ASDURF: variants seen among roughly 807,000 people sequenced by gnomAD.
ASDURF encodes the protein ASDURF protein.
Under a neutral mutation model 3.3 loss-of-function variants are expected in ASDURF, and 3 were observed. The ratio of observed to expected loss-of-function variants is 0.92; its 90% CI spans 0.42 to 2.37. ASDURF has a LOEUF of 2.37. Among genes scored for constraint, ASDURF ranks in the 30% most tolerant of loss-of-function variants. The pLI is 0.05. For missense variants in ASDURF, 23 were observed against 25.4 expected (o/e 0.90, Z 0.21); for synonymous variants, 11 against 8.3 (o/e 1.32, Z -0.55).
rs1424308286 is a variant in ASDURF, at chr2:189,664,527, A to G, written c.144+573A>G. On this transcript the variant is annotated intron_variant, in intron 2 of 3. Coordinates refer to ENST00000607829, the MANE Select transcript of ASDURF (RefSeq NM_001353493.2). ...AGTTTGAGCTCTTAAAAGCTTTGTA[A>G]AGATTATGTAATAACTGGCTGGTTA... Among the ~76,000 whole-genome samples the G allele has an allele frequency of 2.0e-5, 3 of 152,238 alleles. No homozygotes were observed. In the East Asian group the frequency reaches 5.8e-4, roughly 29 times the overall value.
chr2:189,662,165 C>T (rs1236875035), intron 1 of ASDURF, among the ~76,000 whole-genome samples: 1 of 152,214 alleles, frequency 6.6e-6, no homozygotes, highest in Non-Finnish European at 1.5e-5. Flanking sequence ...CTCCGTTAAC[C>T]AGAGCAATGG....
intron 1 of ASDURF, among the ~76,000 whole-genome samples, 152 bp downstream of exon 1, chr2:189,661,762 C>T (rs1365695787): frequency 1.3e-5 from 2 of 152,232 alleles, no homozygotes; most frequent in Admixed American, 6.5e-5. Context: ...TTGACAGCCA[C>T]AGTTAGTCCT....
intron 2 of ASDURF, among the ~76,000 whole-genome samples, chr2:189,664,833 A>C (rs199692393): frequency 2.0e-5 from 3 of 151,946 alleles, no homozygotes; most frequent in South Asian, 4.1e-4. Context: ...ATTCAAAACT[A>C]TAACACTTTG....
intron 2 of ASDURF, among the ~76,000 whole-genome samples, chr2:189,664,226 A>C (rs2032735780): frequency 6.6e-6 from 1 of 152,174 alleles, no homozygotes; most frequent in South Asian, 2.1e-4. Flanking sequence ...TATAATCACT[A>C]ATGATGTTTT....
Position 189,666,384 on chromosome 2 carries a change from G to T in ASDURF, c.*273G>T. On this transcript the variant is annotated 3_prime_UTR_variant, in exon 4 of 4. Coordinates refer to ENST00000607829, the MANE Select transcript of ASDURF (RefSeq NM_001353493.2). ...ATGGAGAAATTTTTAGTGGAATAAA[G>T]GTTGAAGCTGAAGAGAATGACACTC... The T allele has an allele frequency of 1.2e-6, 2 of 1,613,974 alleles. No individual in the cohort carries two copies. Among genetic ancestry groups the T allele is most frequent in the South Asian group, 2.2e-5 (2 of 91,054 alleles).
chr2:189,666,027 C>A lies in ASDURF; in HGVS notation c.221-14C>A. ...TTTATGTTATTTAATATTTATTCTC[C>A]TTCCCTGCAACAGATATATTGGATG... is the stretch of plus-strand genomic sequence containing the variant. On this transcript the variant is annotated splice_polypyrimidine_tract_variant and intron_variant, in intron 3 of 3. Transcript: ENST00000607829. 8.1e-7 allele frequency: 1 copy of A among 1,234,172 alleles called. No homozygotes were observed. Among genetic ancestry groups the A allele is most frequent in the Non-Finnish European group, 1.1e-6 (1 of 906,058 alleles). The allele number at this position is 1,234,172 out of a possible 1,614,324, so 76.5% of individuals were successfully genotyped here.
chr2:189,661,771 C>T (rs2032670324), intron 1 of ASDURF, among the ~76,000 whole-genome samples, 161 bp downstream of exon 1: 9 of 152,214 alleles, frequency 5.9e-5, no homozygotes, highest in Admixed American at 5.9e-4. Flanking sequence ...ACAGTTAGTC[C>T]TTTTATTTTC....
intron 1 of ASDURF, among the ~76,000 whole-genome samples, chr2:189,663,008 G>C (rs144761781): frequency 2.7e-5 from 4 of 148,828 alleles, no homozygotes; most frequent in African/African-American, 9.9e-5. Flanking sequence ...TAGTCATTGA[G>C]ATAAAAAGAG....
chr2:189,663,542 C>T (rs964626832), intron 1 of ASDURF, among the ~76,000 whole-genome samples: 21 of 152,288 alleles, frequency 1.4e-4, no homozygotes, highest in Non-Finnish European at 2.9e-4. Context: ...CATGAGCCAC[C>T]GCACCCGGCC....
chr2:189,663,339 C>T (rs934083596), intron 1 of ASDURF, among the ~76,000 whole-genome samples: 9 of 152,046 alleles, frequency 5.9e-5, no homozygotes, highest in Non-Finnish European at 8.8e-5. Context: ...CTGCAGCCTC[C>T]GCCTCCCGGG....
intron 2 of ASDURF, 152 bp from the exon 3 acceptor site, chr2:189,665,224 G>A (rs1359133411): frequency 2.2e-5 from 8 of 368,982 alleles, no homozygotes; most frequent in Admixed American, 1.4e-4. Context: ...TAGTTGGGCA[G>A]TGGGTGACTT....
chr2:189,663,604 G>A (rs2032722973), intron 1 of ASDURF, among the ~76,000 whole-genome samples: 1 of 152,224 alleles, frequency 6.6e-6, no homozygotes, highest in Non-Finnish European at 1.5e-5. Flanking sequence ...TTTAGTAACT[G>A]TAGTCCTTGG....
chr2:189,662,043 C>T (rs1245559912), intron 1 of ASDURF, among the ~76,000 whole-genome samples: 1 of 152,160 alleles, frequency 6.6e-6, no homozygotes, highest in South Asian at 2.1e-4. Flanking sequence ...CCTTTATCAC[C>T]GTGAACACTC....
At position 189,665,312 on chromosome 2, in the gene ASDURF, T is replaced by G. The variant is rs181567607; in HGVS notation, c.145-64T>G. 3.5e-3 allele frequency: 1,369 copies of G among 387,358 alleles called. 33 individuals are homozygous for G. The highest frequency in any genetic ancestry group is 4.1e-4 in the Non-Finnish European group (89 of 218,694). 24.0% of individuals were successfully genotyped at this position (387,358 alleles called of 1,614,324 possible). A position where few individuals can be genotyped will look rare whatever the true frequency, so the allele number is the denominator to read the frequency against. On this transcript the variant is annotated intron_variant, in intron 2 of 3. Transcript: ENST00000607829. ...TTTCAAGAATTAGTGATAATAGGGT[T>G]TAAGGATTTTAATATCTACTTTTTA... is the stretch of plus-strand genomic sequence containing the variant.
chr2:189,661,660 A>T (rs1008529313), intron 1 of ASDURF, 50 bp downstream of exon 1: 34 of 399,144 alleles, frequency 8.5e-5, no homozygotes, highest in Non-Finnish European at 1.5e-4. Flanking sequence ...ACCGGGCGCC[A>T]CTGGACCCTG....
intron 3 of ASDURF, among the ~76,000 whole-genome samples, 181 bp downstream of exon 3, chr2:189,665,632 A>ATG (rs1232367448): frequency 2.2e-5 from 2 of 89,998 alleles, no homozygotes; most frequent in South Asian, 3.7e-4. Context: ...ATATATATAT[A>ATG]TATATATATA....
intron 1 of ASDURF, among the ~76,000 whole-genome samples, chr2:189,661,852 G>A (rs527243194): frequency 1.6e-4 from 24 of 152,332 alleles, no homozygotes; most frequent in Non-Finnish European, 2.5e-4. Flanking sequence ...GTGGGGCGGA[G>A]TTTTGGTTGG....
In ASDURF at chr2:189,666,261, T is replaced by C; in HGVS notation, c.*150T>C. 1 of 1,614,170 alleles carries C rather than the reference T, an allele frequency of 6.2e-7. No individual in the cohort carries two copies. Among genetic ancestry groups the C allele is most frequent in the Non-Finnish European group, 8.5e-7 (1 of 1,179,998 alleles). ...GTAAACAATTGTTAAAGTCTGATGT[T>C]AACTACCAGTGTTTATTTTCTGCTC... On this transcript the variant is annotated 3_prime_UTR_variant, in exon 4 of 4. Transcript: ENST00000607829.
In ASDURF at chr2:189,661,600, TAAGCAGCAAGGTGA is replaced by T. The variant is rs2032665782; in HGVS notation, c.81_90+4del. 1 of 399,230 alleles carries T rather than the reference TAAGCAGCAAGGTGA, an allele frequency of 2.5e-6. No homozygotes were observed. The highest frequency in any genetic ancestry group is 4.4e-6 in the Non-Finnish European group (1 of 226,334). 24.7% of individuals were successfully genotyped at this position (399,230 alleles called of 1,614,324 possible). ...AATTCGACCCCACACAAGGAGGATC[TAAGCAGCAAGGTGA>T]GTGTGAGACGCGACGAAAAGGCTCC... On this transcript the variant is annotated splice_donor_variant and splice_donor_region_variant and coding_sequence_variant and intron_variant, in exon 1 of 4. Coordinates refer to ENST00000607829, the MANE Select transcript of ASDURF (RefSeq NM_001353493.2). LOFTEE classifies it high-confidence loss of function.
Sources: allele counts gnomAD v4.1 joint callset (sites outside exome capture counted in the v4.1 genomes callset), GRCh38; gene constraint gnomAD v4.1.1; transcripts MANE v1.5; gene names NCBI Gene and HGNC (gene_info 2026-07-23, HGNC 2026-07-21).